The following RBFOX1 variants were observed in gnomAD, a reference collection of about 807,000 sequenced individuals.
RBFOX1 encodes RNA binding fox-1 homolog 1.
In RBFOX1, 8 loss-of-function variants were observed where a neutral mutation model predicts 57.7. That is an observed-to-expected ratio of 0.14 (90% CI 0.08 to 0.25). RBFOX1 has a LOEUF of 0.25. Among genes scored for constraint, RBFOX1 ranks in the 10% least tolerant of loss-of-function variants. RBFOX1 has a pLI of 1.00. For missense variants in RBFOX1, 611 were observed against 548.5 expected (o/e 1.11, Z -1.14); for synonymous variants, 326 against 222.4 (o/e 1.47, Z -4.15).
chr16:7,448,507 A>G (rs1053732883), intron 4 of RBFOX1, among the ~76,000 whole-genome samples: 23 of 152,182 alleles, frequency 1.5e-4, no homozygotes, highest in African/African-American at 5.3e-4. Flanking sequence ...TCATAAGACT[A>G]ACTGACTATG....
intron 3 of RBFOX1, among the ~76,000 whole-genome samples, chr16:5,811,492 C>T (rs1040991207): frequency 1.3e-5 from 2 of 150,076 alleles, no homozygotes; most frequent in East Asian, 2.0e-4. Flanking sequence ...CATTCTGTCA[C>T]CAGGCTGGAG....
chr16:6,470,063 C>G (rs2095139091), intron 2 of RBFOX1, among the ~76,000 whole-genome samples: 1 of 152,174 alleles, frequency 6.6e-6, no homozygotes, highest in African/African-American at 2.4e-5. Context: ...TACTTTGTGC[C>G]TGATAGACAT....
chr16:6,299,785 G>A (rs987134222), intron 1 of RBFOX1, among the ~76,000 whole-genome samples: 1 of 152,142 alleles, frequency 6.6e-6, no homozygotes, highest in African/African-American at 2.4e-5. Context: ...TTATCACTAA[G>A]GGATCTTTGG....
chr16:6,483,563 ACT>A (rs1031168877), intron 2 of RBFOX1: 4 of 1,534,676 alleles, frequency 2.6e-6, no homozygotes, highest in Non-Finnish European at 3.5e-6. Flanking sequence ...AGCGAAGAAG[ACT>A]CTAAAACACT....
At chr16:5,991,516 T>G (rs2060396283) in intron 4 of RBFOX1, among the ~76,000 whole-genome samples, 1 of 152,194 alleles carries the variant, frequency 6.6e-6, no homozygotes, top group African/African-American at 2.4e-5. Context: ...TATTATTTAT[T>G]GATAAGGACC....
intron 1 of RBFOX1, among the ~76,000 whole-genome samples, chr16:5,302,441 C>G (rs972806486): frequency 6.6e-6 from 1 of 152,130 alleles, no homozygotes; most frequent in Non-Finnish European, 1.5e-5. Flanking sequence ...CTATAAATAT[C>G]AAGTAGGTCA....
chr16:6,880,927 T>C (rs7191957), intron 3 of RBFOX1, among the ~76,000 whole-genome samples: 30,403 of 152,164 alleles, frequency 0.2, 3,235 homozygotes, highest in East Asian at 0.28. Context: ...GACAAAAAGA[T>C]GTAAATGCTA....
chr16:6,539,521 G>A (rs926099570), intron 2 of RBFOX1, among the ~76,000 whole-genome samples: 3 of 152,036 alleles, frequency 2.0e-5, no homozygotes, highest in Non-Finnish European at 4.4e-5. Context: ...CGTACAGTCA[G>A]GTGCAGTGGC....
At chr16:6,058,385 A>G (rs2095640900) in intron 1 of RBFOX1, among the ~76,000 whole-genome samples, 1 of 151,380 alleles carries the variant, frequency 6.6e-6, no homozygotes, top group African/African-American at 2.4e-5. Context: ...TAAAGATCCA[A>G]CCTTTGCTAA....
intron 4 of RBFOX1, among the ~76,000 whole-genome samples, chr16:7,395,057 G>A (rs1179424741): frequency 6.6e-6 from 1 of 152,146 alleles, no homozygotes; most frequent in Non-Finnish European, 1.5e-5. Flanking sequence ...AGACTAGGGG[G>A]ATAAATAGAG....
intron 1 of RBFOX1, among the ~76,000 whole-genome samples, chr16:6,167,641 A>G (rs2096927584): frequency 6.6e-6 from 1 of 152,214 alleles, no homozygotes; most frequent in Non-Finnish European, 1.5e-5. Context: ...CAAATATTAT[A>G]ACTTGCCCTT....
intron 2 of RBFOX1, among the ~76,000 whole-genome samples, chr16:5,583,990 C>T (rs951178807): frequency 1.3e-5 from 2 of 152,296 alleles, no homozygotes; most frequent in Middle Eastern, 3.4e-3. Context: ...ATTCCTGGTT[C>T]CACCGAGTCT....
chr16:5,495,868 G>A (rs952278047), intron 2 of RBFOX1, among the ~76,000 whole-genome samples: 11 of 152,228 alleles, frequency 7.2e-5, no homozygotes, highest in African/African-American at 2.2e-4. Flanking sequence ...GCTCACGCCT[G>A]TAATCCCGGC....
chr16:6,625,147 C>T (rs970312692), intron 2 of RBFOX1, among the ~76,000 whole-genome samples: 1 of 108,428 alleles, frequency 9.2e-6, no homozygotes, highest in African/African-American at 3.5e-5. Flanking sequence ...CCTCGGCCAC[C>T]AACCCTATCT....
In RBFOX1 at chr16:6,992,837, C is replaced by CAAAAAAA. The variant is rs3048923; in HGVS notation, c.-15-59209_-15-59203dup. Among the ~76,000 whole-genome samples the CAAAAAAA allele has an allele frequency of 1.3e-3, 156 of 118,458 alleles. 4 individuals carry two copies. The highest frequency in any genetic ancestry group is 2.0e-3 in the Non-Finnish European group (119 of 58,334). 77.7% of individuals were successfully genotyped at this position (118,458 alleles called of 152,430 possible). On this transcript the variant is annotated intron_variant, in intron 3 of 15. Transcript: ENST00000550418. ...CAGAAAGGCTGATTCCTTCCTTTTC[C>CAAAAAAA]AAAAAAAAAAAAAAAAAGATTTGTG...
chr16:6,986,758 A>C (rs1465459696), intron 3 of RBFOX1, among the ~76,000 whole-genome samples: 1 of 151,860 alleles, frequency 6.6e-6, no homozygotes, highest in Non-Finnish European at 1.5e-5. Context: ...GGTGGTCTGG[A>C]TGCCAGTTGC....
chr16:7,502,431 G>A (rs1373137256), intron 4 of RBFOX1, among the ~76,000 whole-genome samples: 1 of 152,118 alleles, frequency 6.6e-6, no homozygotes, highest in Non-Finnish European at 1.5e-5. Flanking sequence ...AACAATGTAG[G>A]GGTGGCAGGT....
chr16:6,715,917 C>A (rs1164464054), intron 3 of RBFOX1, among the ~76,000 whole-genome samples: 1 of 152,134 alleles, frequency 6.6e-6, no homozygotes, highest in Non-Finnish European at 1.5e-5. Context: ...AGCCTCATAC[C>A]CTGCTTCTCT....
At chr16:5,402,273 C>T (rs1290585332) in intron 1 of RBFOX1, among the ~76,000 whole-genome samples, 1 of 152,158 alleles carries the variant, frequency 6.6e-6, no homozygotes, top group East Asian at 1.9e-4. Flanking sequence ...CCAGAGCTCT[C>T]CTCCTCGCCT....
Sources: allele counts gnomAD v4.1 joint callset (sites outside exome capture counted in the v4.1 genomes callset), GRCh38; gene constraint gnomAD v4.1.1; transcripts MANE v1.5; gene names NCBI Gene and HGNC (gene_info 2026-07-23, HGNC 2026-07-21).